The following MTRF1 variants were observed in gnomAD, a reference collection of about 807,000 sequenced individuals.
The protein encoded by MTRF1 is mitochondrial translation release factor 1, also known as peptide chain release factor 1, mitochondrial.
Under a neutral mutation model 62.9 loss-of-function variants are expected in MTRF1, and 51 were observed. The observed-to-expected ratio is 0.81, with a 90% CI of 0.65 to 1.02. The LOEUF (loss-of-function observed/expected upper bound fraction) is 1.02. Ranked by LOEUF, MTRF1 falls within the 50% of genes least tolerant of loss-of-function variation. The pLI is 0.00. For synonymous variants in MTRF1, 158 were observed against 181.9 expected (o/e 0.87, Z 1.06); for missense variants, 446 against 530.0 (o/e 0.84, Z 1.56).
intron 2 of MTRF1, among the ~76,000 whole-genome samples, chr13:41,256,154 G>A (rs531954029): frequency 6.6e-6 from 1 of 152,264 alleles, no homozygotes; most frequent in South Asian, 2.1e-4. Flanking sequence ...CAGGCCTCAA[G>A]TGGCCCAGTC....
chr13:41,310,298 C>T, the MTRF1 span, among the ~76,000 whole-genome samples: 1 of 152,166 alleles, frequency 6.6e-6, no homozygotes, highest in African/African-American at 2.4e-5. Flanking sequence ...CTGTTTCTCC[C>T]ATTATTATAT....
the MTRF1 span, among the ~76,000 whole-genome samples, chr13:41,293,868 GT>G: frequency 6.6e-6 from 1 of 152,026 alleles, no homozygotes; most frequent in Non-Finnish European, 1.5e-5. Flanking sequence ...TTAAAATTGT[GT>G]TATAGGGAAA....
intron 6 of MTRF1, among the ~76,000 whole-genome samples, chr13:41,238,074 CAT>C (rs2036953428): frequency 6.6e-6 from 1 of 152,074 alleles, no homozygotes; most frequent in South Asian, 2.1e-4. Flanking sequence ...GATTTCAAAA[CAT>C]GTATTTCCTG....
intron 5 of MTRF1, among the ~76,000 whole-genome samples, chr13:41,249,630 T>TC (rs931531733): frequency 9.0e-5 from 11 of 121,892 alleles, no homozygotes; most frequent in African/African-American, 1.2e-4. Context: ...TTTTTTTTTT[T>TC]TTTTTTTTTT....
Position 41,217,217 on chromosome 13 carries a change from A to G in MTRF1, c.1236T>C (p.Cys412=), listed in dbSNP as rs1389541890. 2.5e-6 allele frequency: 4 copies of G among 1,600,802 alleles called. No homozygotes were observed. In the East Asian group the frequency reaches 6.7e-5, roughly 27 times the overall value. The change falls in exon 10 of 10, where the codon TGT becomes TGC. Residue 412 remains cysteine, a synonymous_variant. Transcript: ENST00000379480. ...TTAGCTGATCCAGGCCCTTCCCACCACATAAAAATTCCTGGTAAAAGAGAG... is the reference window on the plus strand; with the variant it reads ...TTAGCTGATCCAGGCCCTTCCCACCGCATAAAAATTCCTGGTAAAAGAGAG... ...YEVRDIKEFL[C]GGKGLDQLIQ... is the part of the protein sequence containing the mutation.
chr13:41,307,316 G>A, the MTRF1 span, among the ~76,000 whole-genome samples: 1 of 152,140 alleles, frequency 6.6e-6, no homozygotes, highest in Non-Finnish European at 1.5e-5. Flanking sequence ...GAGTTCTCAC[G>A]ATCTAGTTGT....
chr13:41,290,088 T>C, the MTRF1 span, among the ~76,000 whole-genome samples: 1 of 144,486 alleles, frequency 6.9e-6, no homozygotes, highest in Non-Finnish European at 1.5e-5. Context: ...TTGTAATAGT[T>C]CTTTTTTTTT....
chr13:41,227,857 T>A (rs971576622), intron 7 of MTRF1, among the ~76,000 whole-genome samples: 1 of 152,250 alleles, frequency 6.6e-6, no homozygotes, highest in Non-Finnish European at 1.5e-5. Flanking sequence ...TCACCTCTAC[T>A]AGTTTAATCA....
chr13:41,278,881 A>G, the MTRF1 span, among the ~76,000 whole-genome samples: 1 of 152,204 alleles, frequency 6.6e-6, no homozygotes, highest in Non-Finnish European at 1.5e-5. Flanking sequence ...CTGAAAGACT[A>G]GTTTCAGGCC....
chr13:41,294,657 G>A, the MTRF1 span, among the ~76,000 whole-genome samples: 5 of 152,082 alleles, frequency 3.3e-5, no homozygotes, highest in Admixed American at 3.3e-4. Context: ...ACTTTATATG[G>A]TAAATTTGTG....
At chr13:41,311,107 A>G in the MTRF1 span, 3 of 267,440 alleles carry the variant, frequency 1.1e-5, no homozygotes, top group East Asian at 1.1e-4. Context: ...CCTGAGCCCC[A>G]GGGGGTGCCG....
chr13:41,279,806 C>T, the MTRF1 span, among the ~76,000 whole-genome samples: 1 of 152,154 alleles, frequency 6.6e-6, no homozygotes, highest in Admixed American at 6.5e-5. Context: ...TTCCTTTCTT[C>T]CAGATCTAGG....
At position 41,240,255 on chromosome 13, in the gene MTRF1, G is replaced by T; in HGVS notation, c.870+6C>A. ...GTGAGTTTCCCTTGCCTCCTCCTGAGGTTACCTCATCTGGCTGAGGAAGGA... is the reference window on the plus strand; with the variant it reads ...GTGAGTTTCCCTTGCCTCCTCCTGATGTTACCTCATCTGGCTGAGGAAGGA... On this transcript the variant is annotated splice_donor_region_variant and intron_variant, in intron 6 of 9. Transcript: ENST00000379480. 1 of 1,604,326 alleles carries T rather than the reference G, an allele frequency of 6.2e-7. No homozygotes were observed. Among genetic ancestry groups the T allele is most frequent in the South Asian group, 1.1e-5 (1 of 89,456 alleles).
At chr13:41,286,029 A>G in the MTRF1 span, among the ~76,000 whole-genome samples, 3 of 144,402 alleles carry the variant, frequency 2.1e-5, no homozygotes, top group Non-Finnish European at 4.5e-5. Flanking sequence ...GAGCCACTGC[A>G]CTCCAGCCTG....
chr13:41,281,806 C>T, the MTRF1 span, among the ~76,000 whole-genome samples: 3 of 152,024 alleles, frequency 2.0e-5, no homozygotes, highest in Non-Finnish European at 4.4e-5. Context: ...TAAAAACAGC[C>T]TCAGGAAAAC....
rs531395875 is a variant in MTRF1 at position 41,234,380 on chromosome 13, T to G, written c.871-373A>C. The stretch of plus-strand genomic sequence containing the variant: ...TTCTTGTACAGATGGGGTCTTGCTA[T>G]TTTGCCCAGGCTGGTCTTGAACTCC... On this transcript the variant is annotated intron_variant, in intron 6 of 9. Transcript: ENST00000379480. 9.2e-5 allele frequency among the ~76,000 whole-genome samples: 14 copies of G among 152,260 alleles called. No individual in the cohort carries two copies. The South Asian group carries it at 2.9e-3, about 32-fold the overall frequency.
chr13:41,228,646 C>T (rs921837564), intron 7 of MTRF1, among the ~76,000 whole-genome samples: 13 of 152,098 alleles, frequency 8.5e-5, no homozygotes, highest in African/African-American at 3.1e-4. Context: ...CTAAAAAAAG[C>T]CCACTTTAAT....
rs1222309260 is a variant in MTRF1, at chr13:41,260,111, C to CTCTGGGTACAGAGTCCTGTTCT, written c.415+360_415+381dup. ...TTTAGTAGCTAAAGTGTGTCAAATA[C>CTCTGGGTACAGAGTCCTGTTCT]TCTGGGTACAGAGTCCTGTTCTTTC... On this transcript the variant is annotated intron_variant, in intron 2 of 9. Coordinates refer to ENST00000379480, the MANE Select transcript of MTRF1 (RefSeq NM_004294.4). 7.6e-4 allele frequency among the ~76,000 whole-genome samples: 116 copies of CTCTGGGTACAGAGTCCTGTTCT among 152,280 alleles called. No individual in the cohort carries two copies. In the Middle Eastern group the frequency reaches 0.01, roughly 13 times the overall value.
chr13:41,250,841 C>T (rs2038980537), intron 5 of MTRF1, among the ~76,000 whole-genome samples: 1 of 152,208 alleles, frequency 6.6e-6, no homozygotes, highest in Non-Finnish European at 1.5e-5. Flanking sequence ...CATCATTATT[C>T]TTTCCAAATG....
Sources: gnomAD v4.1 joint callset for allele counts (sites outside exome capture counted in the v4.1 genomes callset) on GRCh38, gnomAD v4.1.1 for gene constraint, MANE v1.5 for transcripts, NCBI Gene and HGNC (gene_info 2026-07-23, HGNC 2026-07-21) for gene names.